FGF13: variants seen among roughly 807,000 people sequenced by gnomAD.
FGF13 encodes fibroblast growth factor 13.
In FGF13, 2 loss-of-function variants were observed where a neutral mutation model predicts 19.5. The ratio of observed to expected loss-of-function variants is 0.10; its 90% CI spans 0.04 to 0.32. The LOEUF (loss-of-function observed/expected upper bound fraction) is 0.32, where lower values mean the gene tolerates loss of function less well. Ranked by LOEUF, FGF13 falls within the 10% of genes least tolerant of loss-of-function variation. FGF13 has a pLI of 1.00. For missense variants in FGF13, 113 were observed against 192.7 expected (o/e 0.59, Z 2.45); for synonymous variants, 72 against 76.9 (o/e 0.94, Z 0.33).
intron 1 of FGF13, among the ~76,000 whole-genome samples, chrX:139,092,067 C>T (rs1269533176): frequency 9.0e-6 from 1 of 111,322 alleles, no homozygotes; most frequent in Admixed American, 9.5e-5. Flanking sequence ...AATATACAGG[C>T]AAGAGGTATC....
chrX:138,895,855 C>T (rs2091501552), intron 1 of FGF13, among the ~76,000 whole-genome samples: 1 of 111,951 alleles, frequency 8.9e-6, no homozygotes, highest in Non-Finnish European at 1.9e-5. Context: ...CATGCTACAA[C>T]ATTCATGAAC....
At chrX:139,203,913 C>A (rs766512510), upstream of FGF13, 183 of 561,115 alleles carry the variant, frequency 3.3e-4, 1 homozygote, top group African/African-American at 3.4e-3. Flanking sequence ...GCGACCTCTG[C>A]CCCCCCTTTT....
chrX:138,820,878 A>C (rs927689075), intron 3 of FGF13, among the ~76,000 whole-genome samples: 1 of 111,184 alleles, frequency 9.0e-6, no homozygotes, highest in Non-Finnish European at 1.9e-5. Context: ...AGTCCAGTGC[A>C]TTTAAAGTAC....
intron 1 of FGF13, among the ~76,000 whole-genome samples, chrX:139,118,559 A>T (rs751378659): frequency 8.9e-6 from 1 of 111,901 alleles, no homozygotes; most frequent in African/African-American, 3.2e-5. Context: ...GTAACCCTTT[A>T]TGCCTTCTAC....
Position 138,624,997 on chromosome X carries a change from T to C in FGF13, c.*7853A>G, listed in dbSNP as rs1319100056. On this transcript the variant is annotated 3_prime_UTR_variant, in exon 5 of 5. Coordinates refer to ENST00000315930, the MANE Select transcript of FGF13 (RefSeq NM_004114.5). ...TACAAGTCAATAGCAAAAATACAAG[T>C]AAACTGTATTTTGAAAAATGGACCA... 1 of 110,665 alleles carries C rather than the reference T, an allele frequency of 9.0e-6. No homozygotes were observed. The highest frequency in any genetic ancestry group is 1.9e-5 in the Non-Finnish European group (1 of 52,888). The allele number at this position is 110,665 out of a possible 1,213,427, so 9.1% of individuals were successfully genotyped here. A position where few individuals can be genotyped will look rare whatever the true frequency, so the allele number is the denominator to read the frequency against.
intron 1 of FGF13, among the ~76,000 whole-genome samples, chrX:139,116,353 T>C (rs759692154): frequency 8.9e-6 from 1 of 112,062 alleles, no homozygotes; most frequent in South Asian, 3.7e-4. Context: ...TTTCCATTGG[T>C]ATTTTTCCTT....
At chrX:138,644,872 C>T in intron 3 of FGF13, among the ~76,000 whole-genome samples, 1 of 111,994 alleles carries the variant, frequency 8.9e-6, no homozygotes, top group South Asian at 3.7e-4. Context: ...AATGGTGCTG[C>T]AGAGGACTAT....
chrX:138,875,988 C>T (rs1008139158), intron 1 of FGF13, among the ~76,000 whole-genome samples: 5 of 102,086 alleles, frequency 4.9e-5, no homozygotes, highest in African/African-American at 1.5e-4. Context: ...ATCTCCCTAT[C>T]GGCTTGTACA....
chrX:138,958,160 G>A (rs2091850410), intron 1 of FGF13, among the ~76,000 whole-genome samples: 1 of 111,700 alleles, frequency 9.0e-6, no homozygotes, highest in African/African-American at 3.3e-5. Flanking sequence ...TTGGCTGTGG[G>A]TTTGTCATAA....
At chrX:138,929,891 T>TGA (rs1300434816) in intron 1 of FGF13, among the ~76,000 whole-genome samples, 7 of 106,068 alleles carry the variant, frequency 6.6e-5, no homozygotes, top group African/African-American at 2.4e-4. Flanking sequence ...TGTGTGTGTG[T>TGA]GTGTGTGTGT....
chrX:138,842,514 A>C (rs2091155630), intron 3 of FGF13, among the ~76,000 whole-genome samples: 1 of 111,415 alleles, frequency 9.0e-6, no homozygotes, highest in Admixed American at 9.6e-5. Context: ...CTACCTTAGT[A>C]ACCCAAGGAT....
chrX:138,998,282 G>A (rs2092053138), intron 1 of FGF13, among the ~76,000 whole-genome samples: 1 of 111,055 alleles, frequency 9.0e-6, no homozygotes, highest in African/African-American at 3.3e-5. Context: ...CAACTAACAG[G>A]AAAAATAACC....
chrX:138,699,467 C>G (rs952822916), intron 3 of FGF13, among the ~76,000 whole-genome samples: 2 of 110,677 alleles, frequency 1.8e-5, no homozygotes, highest in Non-Finnish European at 3.8e-5. Flanking sequence ...ACCCACCCTT[C>G]CCTTCCCTTC....
At chrX:139,019,287 T>C (rs2092167419) in intron 1 of FGF13, among the ~76,000 whole-genome samples, 1 of 111,259 alleles carries the variant, frequency 9.0e-6, no homozygotes, top group African/African-American at 3.3e-5. Flanking sequence ...ATACTTTGGA[T>C]GTATGTTAGA....
intron 1 of FGF13, among the ~76,000 whole-genome samples, chrX:139,109,248 T>C (rs2124463526): frequency 8.9e-6 from 1 of 112,011 alleles, no homozygotes; most frequent in South Asian, 3.7e-4. Flanking sequence ...GTTCCTGTGG[T>C]ATCTGTCCTT....
chrX:138,797,768 G>C (rs150425248), intron 3 of FGF13, among the ~76,000 whole-genome samples: 6 of 111,083 alleles, frequency 5.4e-5, no homozygotes, highest in African/African-American at 1.6e-4. Context: ...TCTTTGAAGA[G>C]GTCCTTCATG....
In FGF13 at chrX:138,614,774, A is replaced by T. The variant is rs1288235577; in HGVS notation, c.*18076T>A. Reference sequence around the variant, plus strand: ...ACTTTATTTGTAATAGCCCAAAAGTAGAAAGAACACAAATGTTGTTCAACA... The same window carrying T: ...ACTTTATTTGTAATAGCCCAAAAGTTGAAAGAACACAAATGTTGTTCAACA... On this transcript the variant is annotated 3_prime_UTR_variant, in exon 5 of 5. Transcript: ENST00000315930. 8.9e-6 allele frequency: 1 copy of T among 111,990 alleles called. No individual in the cohort carries two copies. Among genetic ancestry groups the T allele is most frequent in the Non-Finnish European group, 1.9e-5 (1 of 53,245 alleles). The allele number at this position is 111,990 out of a possible 1,213,427, so 9.2% of individuals were successfully genotyped here.
intron 1 of FGF13, among the ~76,000 whole-genome samples, chrX:139,009,300 G>A (rs1452329235): frequency 1.8e-5 from 2 of 111,064 alleles, no homozygotes; most frequent in Non-Finnish European, 3.8e-5. Context: ...GAAGCTCAAA[G>A]AACACCTGGG....
chrX:138,941,252 G>C (rs2091757112), intron 1 of FGF13, among the ~76,000 whole-genome samples: 1 of 111,749 alleles, frequency 8.9e-6, no homozygotes, highest in Non-Finnish European at 1.9e-5. Flanking sequence ...ATCCAAATAG[G>C]AAGAGAGGAA....
Sources: gnomAD v4.1 joint callset for allele counts (sites outside exome capture counted in the v4.1 genomes callset) on GRCh38, gnomAD v4.1.1 for gene constraint, MANE v1.5 for transcripts, NCBI Gene and HGNC (gene_info 2026-07-23, HGNC 2026-07-21) for gene names.